DHX29: variants seen among roughly 807,000 people sequenced by gnomAD.
DHX29 encodes DExH-box helicase 29.
In DHX29, 79 loss-of-function variants were observed where a neutral mutation model predicts 167.9. That is an observed-to-expected ratio of 0.47 (90% CI 0.39 to 0.57). The LOEUF (loss-of-function observed/expected upper bound fraction) is 0.57. Among genes scored for constraint, DHX29 ranks in the 20% least tolerant of loss-of-function variants. DHX29 has a pLI of 0.00. For missense variants in DHX29, 1,347 were observed against 1,593.4 expected, an observed-to-expected ratio of 0.85 and a Z score of 2.63; for synonymous variants, 530 against 546.0, an observed-to-expected ratio of 0.97 and a Z score of 0.41.
At chr5:55,296,523 G>C (rs1748329960) in intron 3 of DHX29, among the ~76,000 whole-genome samples, 174 bp from the exon 4 acceptor site, 1 of 152,070 alleles carries the variant, frequency 6.6e-6, no homozygotes, top group African/African-American at 2.4e-5. Flanking sequence ...TTGGAAACCA[G>C]AGATCTTTAA....
At chr5:55,279,315 T>G (rs1245708469) in intron 12 of DHX29, among the ~76,000 whole-genome samples, 1 of 151,932 alleles carries the variant, frequency 6.6e-6, no homozygotes, top group African/African-American at 2.4e-5. Flanking sequence ...TGAGAAGAGA[T>G]GAGAAGGGGC....
In DHX29 at chr5:55,307,554, T is replaced by G; in HGVS notation, c.20A>C (p.Lys7Thr). Residue 7 changes from lysine to threonine, a missense_variant, in exon 1 of 27, where the codon AAA becomes ACA. Physicochemically the swap from Lys to Thr is moderately conservative, Grantham distance 78 (BLOSUM62 -1). Around this residue, in one of 3 missense-constraint regions of DHX29, gnomAD observed 405 missense variants for 416.8 expected, o/e 0.97. Transcript: ENST00000251636. ...CACCGCGGCCGCTGGAGCCTTGTGT[T>G]TCTTGTTCTTGCCGCCCATGTTGCA... MGGKNK[K>T]HKAPAAAVVR... 2 of 1,613,678 alleles carry G rather than the reference T, an allele frequency of 1.2e-6. No homozygotes were observed. Among genetic ancestry groups the G allele is most frequent in the Non-Finnish European group, 1.7e-6 (2 of 1,179,962 alleles).
rs148309373 is a variant in DHX29, at chr5:55,298,601, G to A, written c.251C>T (p.Ser84Phe). ...DSSGPANLDK[S>F]ILKVVINNKL... ...ACCTTTGTTACTTACTTTCAAAATA[G>A]ATTTATCCAGATTTGCAGGACCACT... is the stretch of plus-strand genomic sequence containing the variant. Residue 84 changes from serine to phenylalanine, a missense_variant, in exon 2 of 27, where the codon TCT becomes TTT. This residue lies in a region of DHX29 where 405 missense variants were observed against 416.8 expected (regional missense o/e 0.97). Coordinates refer to ENST00000251636, the MANE Select transcript of DHX29 (RefSeq NM_019030.4). 6.5e-7 allele frequency: 1 copy of A among 1,539,774 alleles called. No homozygotes were observed. Among genetic ancestry groups the A allele is most frequent in the Non-Finnish European group, 9.0e-7 (1 of 1,115,256 alleles).
intron 25 of DHX29, among the ~76,000 whole-genome samples, chr5:55,260,230 G>A (rs1411994932): frequency 6.6e-6 from 1 of 151,948 alleles, no homozygotes; most frequent in East Asian, 1.9e-4. Flanking sequence ...CAGTTTTGGG[G>A]AGGGAAATTT....
intron 18 of DHX29, 129 bp from the exon 19 acceptor site, chr5:55,270,835 C>A: frequency 1.6e-6 from 1 of 639,466 alleles, no homozygotes; most frequent in South Asian, 2.1e-5. Flanking sequence ...ACCAATAGTT[C>A]TCAAATTATG....
In DHX29 at chr5:55,269,770, C is replaced by T. The variant is rs1746759614; in HGVS notation, c.3070-133G>A. On this transcript the variant is annotated intron_variant, in intron 20 of 26. Coordinates refer to ENST00000251636, the MANE Select transcript of DHX29 (RefSeq NM_019030.4). The stretch of plus-strand genomic sequence containing the variant: ...GGGTAAAATGTGAAAGTAGGGCTAT[C>T]CTGTTATTTTTTTTATAATGGGGGT... 10 of 688,808 alleles carry T rather than the reference C, an allele frequency of 1.5e-5. No individual in the cohort carries two copies. In the South Asian group the frequency reaches 1.7e-4, roughly 12 times the overall value. 42.7% of individuals were successfully genotyped at this position (688,808 alleles called of 1,614,324 possible). A position where few individuals can be genotyped will look rare whatever the true frequency, so the allele number is the denominator to read the frequency against.
intron 8 of DHX29, among the ~76,000 whole-genome samples, chr5:55,286,801 T>C (rs904492943): frequency 2.0e-5 from 3 of 152,232 alleles, no homozygotes; most frequent in African/African-American, 7.2e-5. Flanking sequence ...CACTGGATAG[T>C]ACAGATATAG....
chr5:55,265,909 T>A (rs1031365297), intron 23 of DHX29, among the ~76,000 whole-genome samples: 2 of 152,206 alleles, frequency 1.3e-5, no homozygotes, highest in Non-Finnish European at 2.9e-5. Flanking sequence ...TATGTCCATA[T>A]AATTTGATGT....
chr5:55,258,620 T>C (rs1746162567), intron 26 of DHX29, among the ~76,000 whole-genome samples: 1 of 152,164 alleles, frequency 6.6e-6, no homozygotes, highest in Non-Finnish European at 1.5e-5. Flanking sequence ...TATTTTTTGA[T>C]GTGGGGTCTT....
At chr5:55,291,576 TA>T (rs1748046911) in intron 6 of DHX29, among the ~76,000 whole-genome samples, 1 of 152,204 alleles carries the variant, frequency 6.6e-6, no homozygotes, top group Non-Finnish European at 1.5e-5. Context: ...TCAGTGGTAT[TA>T]AATACATTCA....
intron 17 of DHX29, 110 bp from the exon 18 acceptor site, chr5:55,272,285 A>G: frequency 1.4e-6 from 1 of 709,828 alleles, no homozygotes; most frequent in Non-Finnish European, 2.3e-6. Flanking sequence ...TTTCAATTTC[A>G]GTCACAAAAA....
intron 3 of DHX29, among the ~76,000 whole-genome samples, chr5:55,296,569 T>C (rs1032583600): frequency 6.6e-6 from 1 of 152,202 alleles, no homozygotes; most frequent in Non-Finnish European, 1.5e-5. Flanking sequence ...ATATTCTCAC[T>C]ATCCAAAGAT....
intron 5 of DHX29, 68 bp downstream of exon 5, chr5:55,295,311 C>G (rs1748257951): frequency 1.7e-6 from 2 of 1,197,848 alleles, no homozygotes; most frequent in South Asian, 1.3e-5. Flanking sequence ...AATATTTATA[C>G]TCTTTGAACT....
rs1047113457 is a variant in DHX29, at chr5:55,256,381, C to A, written c.*107G>T. On this transcript the variant is annotated 3_prime_UTR_variant, in exon 27 of 27. Coordinates refer to ENST00000251636, the MANE Select transcript of DHX29 (RefSeq NM_019030.4). ...ACCACCTTTAAGTTAATGGCTAGTA[C>A]CAACATTTTAAGTAATGAAATACTT... 1.6e-5 allele frequency: 16 copies of A among 977,562 alleles called. No homozygotes were observed. Among genetic ancestry groups the A allele is most frequent in the Middle Eastern group, 3.4e-4 (1 of 2,944 alleles). The allele number at this position is 977,562 out of a possible 1,614,324, so 60.6% of individuals were successfully genotyped here. A position where few individuals can be genotyped will look rare whatever the true frequency, so the allele number is the denominator to read the frequency against.
At chr5:55,306,364 CAG>C (rs1748860776) in intron 1 of DHX29, among the ~76,000 whole-genome samples, 1 of 152,200 alleles carries the variant, frequency 6.6e-6, no homozygotes, top group African/African-American at 2.4e-5. Flanking sequence ...CCATGCTTCA[CAG>C]AGTTAACTCC....
chr5:55,280,150 T>C (rs1425126396), intron 12 of DHX29, among the ~76,000 whole-genome samples: 1 of 152,180 alleles, frequency 6.6e-6, no homozygotes, highest in Non-Finnish European at 1.5e-5. Context: ...CAATAAATAC[T>C]TAACATGACG....
chr5:55,301,407 A>G (rs1748591149), intron 1 of DHX29, among the ~76,000 whole-genome samples: 1 of 152,140 alleles, frequency 6.6e-6, no homozygotes, highest in Non-Finnish European at 1.5e-5. Flanking sequence ...ACTTTGAGAA[A>G]CACTGCTGTA....
intron 13 of DHX29, 69 bp downstream of exon 13, chr5:55,277,037 C>A: frequency 8.5e-7 from 1 of 1,174,084 alleles, no homozygotes. Flanking sequence ...TACAAGTGCC[C>A]ATCTTCTAGG....
intron 14 of DHX29, among the ~76,000 whole-genome samples, chr5:55,275,480 G>C (rs914902841): frequency 6.6e-6 from 1 of 151,718 alleles, no homozygotes; most frequent in Non-Finnish European, 1.5e-5. Context: ...TTACCTCTGG[G>C]GTTTTAGGGC....
Sources: allele counts gnomAD v4.1 joint callset (sites outside exome capture counted in the v4.1 genomes callset), GRCh38; gene constraint gnomAD v4.1.1; regional missense constraint gnomAD v4.1.1; transcripts MANE v1.5; gene names NCBI Gene and HGNC (gene_info 2026-07-23, HGNC 2026-07-21).